The following EIF2B3 variants were observed in gnomAD, a reference collection of about 807,000 sequenced individuals.
EIF2B3 encodes the protein eukaryotic translation initiation factor 2B subunit gamma, also known as translation initiation factor eIF2B subunit gamma.
Under a neutral mutation model 54.1 loss-of-function variants are expected in EIF2B3, and 20 were observed. The observed-to-expected ratio is 0.37, with a 90% CI of 0.26 to 0.54. EIF2B3 has a LOEUF of 0.54. Among genes scored for constraint, EIF2B3 ranks in the 20% least tolerant of loss-of-function variants. The pLI, the probability that EIF2B3 is intolerant of heterozygous loss-of-function variation, is 0.86. For synonymous variants in EIF2B3, 153 were observed against 188.1 expected (o/e 0.81, Z 1.52); for missense variants, 448 against 547.8 (o/e 0.82, Z 1.82).
intron 6 of EIF2B3, among the ~76,000 whole-genome samples, chr1:44,882,046 A>T (rs1251919493): frequency 6.6e-6 from 1 of 152,240 alleles, no homozygotes; most frequent in African/African-American, 2.4e-5. Context: ...AAGCAGAGAG[A>T]TGAGAAACTA....
intron 4 of EIF2B3, among the ~76,000 whole-genome samples, chr1:44,935,592 C>T (rs996999662): frequency 3.9e-5 from 6 of 152,230 alleles, no homozygotes; most frequent in Middle Eastern, 3.4e-3. Context: ...CTCTGCCTCC[C>T]GGGTTCAAGC....
At chr1:44,982,809 C>A (rs1644529000) in intron 1 of EIF2B3, among the ~76,000 whole-genome samples, 2 of 150,668 alleles carry the variant, frequency 1.3e-5, no homozygotes, top group Non-Finnish European at 2.9e-5. Flanking sequence ...GTTGCCCAGG[C>A]TGAAGTGCAG....
At chr1:44,924,000 G>C (rs1345544357) in intron 5 of EIF2B3, among the ~76,000 whole-genome samples, 7 of 150,978 alleles carry the variant, frequency 4.6e-5, no homozygotes, top group African/African-American at 7.3e-5. Flanking sequence ...GAGTACAGCG[G>C]TGCAATCTCG....
At chr1:44,980,340 T>C (rs1248763419) in intron 2 of EIF2B3, among the ~76,000 whole-genome samples, 1 of 152,078 alleles carries the variant, frequency 6.6e-6, no homozygotes. Context: ...GGAAAATGCC[T>C]GTAGTCCCAG....
chr1:44,892,792 G>A (rs1367058756), intron 6 of EIF2B3, among the ~76,000 whole-genome samples: 1 of 152,174 alleles, frequency 6.6e-6, no homozygotes, highest in East Asian at 1.9e-4. Flanking sequence ...CAGCCCTGTT[G>A]AGAAGGTGTG....
intron 2 of EIF2B3, among the ~76,000 whole-genome samples, chr1:44,979,586 A>T (rs536286086): frequency 1.5e-4 from 23 of 151,394 alleles, no homozygotes; most frequent in African/African-American, 5.3e-4. Flanking sequence ...TGATCCCAGG[A>T]GGCAGAGGTT....
At chr1:44,872,434 C>G (rs1453689291) in intron 10 of EIF2B3, among the ~76,000 whole-genome samples, 3 of 151,950 alleles carry the variant, frequency 2.0e-5, no homozygotes, top group Non-Finnish European at 4.4e-5. Flanking sequence ...CTGCTTGAGG[C>G]CAGGAGTTCA....
At chr1:44,972,606 A>C (rs1644412591) in intron 3 of EIF2B3, 1 of 135,118 alleles carries the variant, frequency 7.4e-6, no homozygotes, top group Non-Finnish European at 1.5e-5. Context: ...CCGTTTTAAA[A>C]AATAATAATA....
intron 3 of EIF2B3, among the ~76,000 whole-genome samples, chr1:44,961,575 G>C (rs1383122134): frequency 6.6e-6 from 1 of 152,104 alleles, no homozygotes; most frequent in Admixed American, 6.6e-5. Context: ...CAGCTACTTG[G>C]AGCTGAAGTG....
chr1:44,901,895 C>T (rs1388533067), intron 5 of EIF2B3, among the ~76,000 whole-genome samples: 1 of 152,084 alleles, frequency 6.6e-6, no homozygotes, highest in Non-Finnish European at 1.5e-5. Flanking sequence ...GGTTCAAAAT[C>T]TTTAATTTTT....
intron 1 of EIF2B3, among the ~76,000 whole-genome samples, chr1:44,982,813 A>G (rs1414601414): frequency 2.0e-5 from 3 of 151,346 alleles, no homozygotes; most frequent in African/African-American, 7.3e-5. Context: ...CCCAGGCTGA[A>G]GTGCAGTGGC....
intron 5 of EIF2B3, among the ~76,000 whole-genome samples, chr1:44,921,411 A>G (rs1643735794): frequency 6.6e-6 from 1 of 151,902 alleles, no homozygotes. Flanking sequence ...CCATTTGTCC[A>G]TTTTGCTTTG....
Position 44,881,761 on chromosome 1 carries a change from A to G in EIF2B3, c.657-22T>C. On this transcript the variant is annotated intron_variant, in intron 6 of 11. Coordinates refer to ENST00000360403, the MANE Select transcript of EIF2B3 (RefSeq NM_020365.5). The surrounding 1 kb of genome is among the most constrained non-coding windows in gnomAD (Gnocchi z 4.0). ...TGACCTAGAAAGAAAGAATGGCCAA[A>G]TATGAGAAACCTGACTGTCTGGAAC... is the stretch of plus-strand genomic sequence containing the variant. The G allele has an allele frequency of 6.2e-7, 1 of 1,613,378 alleles. No homozygotes were observed.
intron 4 of EIF2B3, among the ~76,000 whole-genome samples, chr1:44,932,910 C>G (rs1262435230): frequency 6.6e-6 from 1 of 152,136 alleles, no homozygotes; most frequent in East Asian, 1.9e-4. Flanking sequence ...CCTCAGGAGG[C>G]TTCCAGAGGA....
intron 6 of EIF2B3, among the ~76,000 whole-genome samples, chr1:44,883,514 C>A (rs941237897): frequency 6.6e-6 from 1 of 152,020 alleles, no homozygotes; most frequent in African/African-American, 2.4e-5. Context: ...GACCAGTGAC[C>A]CCTCTGTGGC....
In EIF2B3 at chr1:44,960,032, AT is replaced by A. The variant is rs545805365; in HGVS notation, c.294+18282del. Among the ~76,000 whole-genome samples, 150 of 152,258 alleles carry A rather than the reference AT, an allele frequency of 9.9e-4. 2 individuals carry two copies. The highest frequency in any genetic ancestry group is 3.5e-3 in the African/African-American group (145 of 41,552). On this transcript the variant is annotated intron_variant, in intron 3 of 11. Coordinates refer to ENST00000360403, the MANE Select transcript of EIF2B3 (RefSeq NM_020365.5). ...AATGGTGGGTGATATGTGGCTTGTT[AT>A]TTGGGTATGTGTATTTATTTGTATA...
At chr1:44,931,880 G>T (rs372774989) in intron 4 of EIF2B3, among the ~76,000 whole-genome samples, 6 of 152,218 alleles carry the variant, frequency 3.9e-5, no homozygotes, top group African/African-American at 1.4e-4. Flanking sequence ...ACTTTGGGAG[G>T]CCAAGGCAGG....
At position 44,952,206 on chromosome 1, in the gene EIF2B3, G is replaced by A. The variant is rs1160045232; in HGVS notation, c.295-10541C>T. Among the ~76,000 whole-genome samples, 7 of 125,246 alleles carry A rather than the reference G, an allele frequency of 5.6e-5. 1 individual carries two copies. Among genetic ancestry groups the A allele is most frequent in the African/African-American group, 1.2e-4 (4 of 33,520 alleles). 82.2% of individuals were successfully genotyped at this position (125,246 alleles called of 152,430 possible). A position where few individuals can be genotyped will look rare whatever the true frequency, so the allele number is the denominator to read the frequency against. Reference sequence around the variant, plus strand: ...TCTCGATCTCCTGACCTCGTGATCCGCCCGCCTCGGCCTCCCAAAGTGCTG... The same window carrying A: ...TCTCGATCTCCTGACCTCGTGATCCACCCGCCTCGGCCTCCCAAAGTGCTG... On this transcript the variant is annotated intron_variant, in intron 3 of 11. Coordinates refer to ENST00000360403, the MANE Select transcript of EIF2B3 (RefSeq NM_020365.5).
intron 3 of EIF2B3, among the ~76,000 whole-genome samples, chr1:44,962,459 T>G (rs1164095953): frequency 6.6e-6 from 1 of 152,196 alleles, no homozygotes; most frequent in African/African-American, 2.4e-5. Context: ...ATTGGCCAGG[T>G]TGGGGAGCAG....
Sources: gnomAD v4.1 joint callset for allele counts (sites outside exome capture counted in the v4.1 genomes callset) on GRCh38, gnomAD v4.1.1 for gene constraint, Gnocchi (gnomAD v3.1) non-coding constraint, MANE v1.5 for transcripts, NCBI Gene and HGNC (gene_info 2026-07-23, HGNC 2026-07-21) for gene names.